Variants in ATP8A2 observed in about 807,000 individuals in gnomAD.
The protein encoded by ATP8A2 is phospholipid-transporting ATPase IB.
In ATP8A2, 100 loss-of-function variants were observed where a neutral mutation model predicts 165.6. That is an observed-to-expected ratio of 0.60 (90% confidence interval 0.51 to 0.71). ATP8A2 has a LOEUF of 0.71. Ranked by LOEUF, ATP8A2 falls within the 30% of genes least tolerant of loss-of-function variation. The probability of loss-of-function intolerance (pLI) is 0.00; values close to 1 mark genes in which losing one functional copy is unlikely to be tolerated. For synonymous variants in ATP8A2, 543 were observed against 548.8 expected (o/e 0.99, Z 0.15); for missense variants, 1,227 against 1,479.5 (o/e 0.83, Z 2.80).
At chr13:25,569,325 T>G (rs17796578) in intron 16 of ATP8A2, among the ~76,000 whole-genome samples, 48,315 of 152,046 alleles carry the variant, frequency 0.32, 8,641 homozygotes, top group Middle Eastern at 0.42. Flanking sequence ...GTGATTTGCT[T>G]CCATAAAATT....
At chr13:25,431,340 G>C (rs1478088317) in intron 1 of ATP8A2, among the ~76,000 whole-genome samples, 1 of 152,028 alleles carries the variant, frequency 6.6e-6, no homozygotes, top group Non-Finnish European at 1.5e-5. Flanking sequence ...GTAGAGACGG[G>C]GTTTCTCCAT....
At chr13:25,709,568 A>G (rs2043119634) in intron 25 of ATP8A2, among the ~76,000 whole-genome samples, 1 of 152,204 alleles carries the variant, frequency 6.6e-6, no homozygotes, top group African/African-American at 2.4e-5. Flanking sequence ...ATATGTTTCT[A>G]TGTAGATACA....
chr13:25,960,340 T>C (rs1234288169), intron 33 of ATP8A2, among the ~76,000 whole-genome samples: 1 of 152,124 alleles, frequency 6.6e-6, no homozygotes, highest in Non-Finnish European at 1.5e-5. Flanking sequence ...CATTTTACTG[T>C]ATAAAGGGAG....
chr13:25,407,057 C>T (rs889060928), intron 1 of ATP8A2, among the ~76,000 whole-genome samples: 3 of 152,140 alleles, frequency 2.0e-5, no homozygotes, highest in South Asian at 2.1e-4. Flanking sequence ...AAAGATACCA[C>T]GGTTGGGTTG....
At chr13:25,801,728 A>C (rs1303316837) in intron 27 of ATP8A2, among the ~76,000 whole-genome samples, 1 of 152,212 alleles carries the variant, frequency 6.6e-6, no homozygotes, top group Admixed American at 6.5e-5. Flanking sequence ...GTATTAGTCC[A>C]TTCTCACACT....
At chr13:25,757,158 A>G (rs1261255544) in intron 25 of ATP8A2, among the ~76,000 whole-genome samples, 1 of 152,262 alleles carries the variant, frequency 6.6e-6, no homozygotes, top group Non-Finnish European at 1.5e-5. Context: ...AATAGCCCAC[A>G]GGATCATGAA....
At chr13:25,768,962 C>G (rs1260078168) in intron 25 of ATP8A2, 84 bp from the exon 26 acceptor site, 2 of 1,302,522 alleles carry the variant, frequency 1.5e-6, no homozygotes, top group South Asian at 2.4e-5. Context: ...CAGTAACTGT[C>G]CTTTTAATGC....
At chr13:25,555,353 A>C (rs1221248979) in intron 13 of ATP8A2, among the ~76,000 whole-genome samples, 2 of 152,210 alleles carry the variant, frequency 1.3e-5, no homozygotes, top group South Asian at 4.1e-4. Context: ...ACGCTTAAAA[A>C]AGTGTTATCA....
intron 1 of ATP8A2, among the ~76,000 whole-genome samples, chr13:25,465,903 G>C (rs1194192454): frequency 6.6e-6 from 1 of 151,072 alleles, no homozygotes; most frequent in East Asian, 2.0e-4. Context: ...GGGATTACAG[G>C]CATGAGCCAC....
chr13:25,861,512 T>A (rs1350575145), intron 32 of ATP8A2, among the ~76,000 whole-genome samples: 2 of 152,248 alleles, frequency 1.3e-5, no homozygotes, highest in Admixed American at 6.5e-5. Flanking sequence ...CATAGTGTCA[T>A]GACCTGGCTG....
At position 25,494,896 on chromosome 13, in the gene ATP8A2, A is replaced by G. The variant is rs550491955; in HGVS notation, c.221+25775A>G. 1.0e-3 allele frequency among the ~76,000 whole-genome samples: 158 copies of G among 152,326 alleles called. 2 individuals carry two copies. The highest frequency in any genetic ancestry group is 3.6e-3 in the African/African-American group (150 of 41,556). Reference sequence around the variant, plus strand: ...GCCCGGAGCTTTGCAATGTCCTTCTAGTTCCCTAGAGGCCCTCTGCTGGCT... The same window carrying G: ...GCCCGGAGCTTTGCAATGTCCTTCTGGTTCCCTAGAGGCCCTCTGCTGGCT... On this transcript the variant is annotated intron_variant, in intron 2 of 36. Transcript: ENST00000381655.
intron 2 of ATP8A2, among the ~76,000 whole-genome samples, chr13:25,512,626 T>C (rs372488134): frequency 0.058 from 7,033 of 120,506 alleles, 253 homozygotes; most frequent in South Asian, 0.14. Flanking sequence ...GGAGGCTGGC[T>C]GGGCGGGGGG....
At chr13:25,509,890 A>G (rs927008520) in intron 2 of ATP8A2, among the ~76,000 whole-genome samples, 3 of 152,260 alleles carry the variant, frequency 2.0e-5, no homozygotes, top group Non-Finnish European at 4.4e-5. Context: ...TTCCTTAAAC[A>G]TCAGTTCTCT....
At chr13:25,968,344 G>A (rs928662794) in intron 34 of ATP8A2, among the ~76,000 whole-genome samples, 3 of 152,178 alleles carry the variant, frequency 2.0e-5, no homozygotes, top group African/African-American at 7.2e-5. Context: ...GCGGGGTGGG[G>A]GTGACTCTTG....
chr13:25,879,801 T>C (rs564625113), intron 33 of ATP8A2, among the ~76,000 whole-genome samples: 40 of 152,234 alleles, frequency 2.6e-4, no homozygotes, highest in Non-Finnish European at 4.8e-4. Context: ...AAAATGTCTT[T>C]TTCATTTGGC....
intron 24 of ATP8A2, among the ~76,000 whole-genome samples, chr13:25,681,007 G>C (rs1049721891): frequency 2.6e-5 from 4 of 152,182 alleles, no homozygotes; most frequent in African/African-American, 9.7e-5. Flanking sequence ...ATACAACTCA[G>C]TATATTTTTC....
Position 25,936,592 on chromosome 13 carries a change from A to G in ATP8A2, c.3184-24983A>G, listed in dbSNP as rs536892351. Reference sequence around the variant, plus strand: ...CAAGTTTTCATCTGACTTCTAATCTAGGAGTTCATTAGTGGGATCATGGCA... The same window carrying G: ...CAAGTTTTCATCTGACTTCTAATCTGGGAGTTCATTAGTGGGATCATGGCA... On this transcript the variant is annotated intron_variant, in intron 33 of 36. Coordinates refer to ENST00000381655, the MANE Select transcript of ATP8A2 (RefSeq NM_016529.6). Among the ~76,000 whole-genome samples the G allele has an allele frequency of 3.9e-5, 6 of 152,352 alleles. No homozygotes were observed. The East Asian group carries it at 1.2e-3, about 29-fold the overall frequency.
At chr13:25,586,211 A>G (rs912411804) in intron 23 of ATP8A2, among the ~76,000 whole-genome samples, 2 of 152,186 alleles carry the variant, frequency 1.3e-5, no homozygotes, top group African/African-American at 4.8e-5. Flanking sequence ...CTTAACCACA[A>G]CACACAGTGT....
intron 22 of ATP8A2, among the ~76,000 whole-genome samples, chr13:25,580,849 A>G (rs1446686927): frequency 6.6e-6 from 1 of 152,174 alleles, no homozygotes; most frequent in African/African-American, 2.4e-5. Context: ...CCCAGTTTCC[A>G]TAACTTTGAA....
Sources: gnomAD v4.1 joint callset for allele counts (sites outside exome capture counted in the v4.1 genomes callset) on GRCh38, gnomAD v4.1.1 for gene constraint, MANE v1.5 for transcripts, NCBI Gene and HGNC (gene_info 2026-07-23, HGNC 2026-07-21) for gene names.